Variants in ROBO2 observed in about 807,000 individuals in gnomAD.
The protein encoded by ROBO2 is roundabout guidance receptor 2.
ROBO2 carries 53 observed loss-of-function variants against 160.8 expected under a neutral mutation model. The ratio of observed to expected loss-of-function variants is 0.33; its 90% CI spans 0.26 to 0.41. The LOEUF (loss-of-function observed/expected upper bound fraction) is 0.41. Ranked by LOEUF, ROBO2 falls within the 10% of genes least tolerant of loss-of-function variation. The pLI is 1.00. For synonymous variants in ROBO2, 664 were observed against 611.7 expected, an observed-to-expected ratio of 1.09 and a Z score of -1.26; for missense variants, 1,577 against 1,722.4, an observed-to-expected ratio of 0.92 and a Z score of 1.49.
chr3:77,215,186 G>A (rs922680425), intron 2 of ROBO2, among the ~76,000 whole-genome samples: 2 of 152,152 alleles, frequency 1.3e-5, no homozygotes, highest in African/African-American at 2.4e-5. Flanking sequence ...TTCCAACTTG[G>A]TTCCATTCTC....
chr3:76,436,397 C>T (rs553845618), intron 2 of ROBO2, among the ~76,000 whole-genome samples: 1 of 152,276 alleles, frequency 6.6e-6, no homozygotes, highest in South Asian at 2.1e-4. Flanking sequence ...CTGTCATGCT[C>T]ATCAGCTTAT....
In ROBO2 at chr3:75,920,629, G is replaced by A. The variant is rs1217180743; in HGVS notation, c.-14+13669G>A. 2.6e-5 allele frequency among the ~76,000 whole-genome samples: 4 copies of A among 152,158 alleles called. No individual in the cohort carries two copies. In the East Asian group the frequency reaches 7.7e-4, roughly 29 times the overall value. ...ATCTGTCTAATATTGATAGTGGGTT[G>A]TTAAAGTTTCCCACTATTATTGTGT... On this transcript the variant is annotated intron_variant, in intron 1 of 26. Coordinates refer to the ROBO2 transcript ENST00000487694.
chr3:77,588,837 G>C, exon 17 of ROBO2: 1 of 1,613,568 alleles, frequency 6.2e-7, no homozygotes, highest in Non-Finnish European at 8.5e-7. Flanking sequence ...AGCCTTTATA[G>C]CTGGTATTGG....
At chr3:76,185,023 C>A (rs1319436377) in intron 2 of ROBO2, among the ~76,000 whole-genome samples, 1 of 151,366 alleles carries the variant, frequency 6.6e-6, no homozygotes, top group African/African-American at 2.4e-5. Context: ...ACAGACATAC[C>A]CCCAGATAAT....
At chr3:77,444,777 C>T (rs1383768980) in intron 2 of ROBO2, among the ~76,000 whole-genome samples, 1 of 151,984 alleles carries the variant, frequency 6.6e-6, no homozygotes, top group East Asian at 1.9e-4. Context: ...TTTGGAAAGA[C>T]CTTTATTTAA....
chr3:76,631,153 G>A (rs1416984211), intron 2 of ROBO2, among the ~76,000 whole-genome samples: 46 of 152,018 alleles, frequency 3.0e-4, no homozygotes, highest in Non-Finnish European at 7.4e-5. Flanking sequence ...GCAGGCTATA[G>A]TACATTTTAT....
chr3:76,612,990 T>C (rs778141685), intron 2 of ROBO2, among the ~76,000 whole-genome samples: 28 of 152,182 alleles, frequency 1.8e-4, no homozygotes, highest in Non-Finnish European at 4.0e-4. Flanking sequence ...AGTGCATTTC[T>C]TGTAGGCAAC....
At chr3:76,282,063 T>C (rs1426683753) in intron 2 of ROBO2, among the ~76,000 whole-genome samples, 1 of 152,012 alleles carries the variant, frequency 6.6e-6, no homozygotes, top group Non-Finnish European at 1.5e-5. Flanking sequence ...ATATCTTCAT[T>C]TTGGTGGTAT....
At chr3:76,197,933 G>A (rs982588507) in intron 2 of ROBO2, among the ~76,000 whole-genome samples, 3 of 152,148 alleles carry the variant, frequency 2.0e-5, no homozygotes, top group Non-Finnish European at 4.4e-5. Flanking sequence ...GATGACCACT[G>A]CAGTTTTGAC....
At chr3:76,420,734 A>C (rs1461721417) in intron 2 of ROBO2, among the ~76,000 whole-genome samples, 1 of 152,198 alleles carries the variant, frequency 6.6e-6, no homozygotes, top group African/African-American at 2.4e-5. Flanking sequence ...GATTCCAACT[A>C]TTTTTAAATT....
At chr3:77,132,343 C>A (rs1385534855) in intron 2 of ROBO2, among the ~76,000 whole-genome samples, 2 of 151,830 alleles carry the variant, frequency 1.3e-5, no homozygotes, top group South Asian at 2.1e-4. Context: ...CCTACATAGA[C>A]CTCAGTGGTA....
intron 2 of ROBO2, among the ~76,000 whole-genome samples, chr3:77,456,619 C>T (rs1385811380): frequency 1.3e-5 from 2 of 152,162 alleles, no homozygotes; most frequent in Non-Finnish European, 2.9e-5. Context: ...CCAAGGCAGC[C>T]ATCCAAGTGG....
intron 2 of ROBO2, among the ~76,000 whole-genome samples, chr3:77,323,788 T>G (rs1411790175): frequency 6.6e-6 from 1 of 152,076 alleles, no homozygotes; most frequent in African/African-American, 2.4e-5. Context: ...TTTGAAAGGC[T>G]CATGTGTAAG....
chr3:77,616,563 G>C (rs556996300), intron 21 of ROBO2, among the ~76,000 whole-genome samples: 29 of 152,076 alleles, frequency 1.9e-4, no homozygotes, highest in Admixed American at 3.3e-4. Context: ...TGTGGGAGTG[G>C]GGGTGAAGTT....
rs1026871974 is a variant in ROBO2 at position 77,014,495 on chromosome 3, C to T, written c.110-83519C>T. Among the ~76,000 whole-genome samples, 7 of 152,258 alleles carry T rather than the reference C, an allele frequency of 4.6e-5. No individual in the cohort carries two copies. In the South Asian group the frequency reaches 1.0e-3, roughly 23 times the overall value. The stretch of plus-strand genomic sequence containing the variant: ...TCCAAAGCGAGCTGCAGCCATGTCA[C>T]GCCGATCCCAGCAGTTTTCACACTC... On this transcript the variant is annotated intron_variant, in intron 2 of 26. Coordinates refer to the ROBO2 transcript ENST00000487694.
At chr3:77,099,056 T>C (rs2071518635) in intron 2 of ROBO2, among the ~76,000 whole-genome samples, 1 of 146,200 alleles carries the variant, frequency 6.8e-6, no homozygotes, top group Non-Finnish European at 1.5e-5. Context: ...AACAAAATTG[T>C]ACTTTTCTTT....
At chr3:76,433,232 C>T (rs534847527) in intron 2 of ROBO2, among the ~76,000 whole-genome samples, 13 of 152,132 alleles carry the variant, frequency 8.5e-5, no homozygotes, top group South Asian at 4.1e-4. Context: ...GGTACTTACA[C>T]GCTATTTATA....
At chr3:77,102,455 T>A (rs1348474256) in intron 2 of ROBO2, among the ~76,000 whole-genome samples, 2 of 152,204 alleles carry the variant, frequency 1.3e-5, no homozygotes, top group Non-Finnish European at 2.9e-5. Flanking sequence ...GAAAGTCAGT[T>A]GAGAACCACT....
At position 76,834,116 on chromosome 3, in the gene ROBO2, C is replaced by CTT. The variant is rs1559575341; in HGVS notation, c.110-263897_110-263896insTT. 7.0e-4 allele frequency among the ~76,000 whole-genome samples: 25 copies of CTT among 35,756 alleles called. 1 individual carries two copies. The highest frequency in any genetic ancestry group is 0.016 in the Middle Eastern group (1 of 64). 23.5% of individuals were successfully genotyped at this position (35,756 alleles called of 152,430 possible). On this transcript the variant is annotated intron_variant, in intron 2 of 26. Coordinates refer to the ROBO2 transcript ENST00000487694. ...TTTCTTTCTTTCTTTCTTTCTTTCT[C>CTT]TCTGTCTCTCCTTCCTTCTTTCCTT...
Sources: allele counts gnomAD v4.1 joint callset (sites outside exome capture counted in the v4.1 genomes callset), GRCh38; gene constraint gnomAD v4.1.1; transcripts MANE v1.5; gene names NCBI Gene and HGNC (gene_info 2026-07-23, HGNC 2026-07-21).